The following NEDD4 variants were observed in gnomAD, a reference collection of about 807,000 sequenced individuals.
NEDD4 encodes NEDD4 E3 ubiquitin protein ligase.
Under a neutral mutation model 144.9 loss-of-function variants are expected in NEDD4, and 99 were observed. That is an observed-to-expected ratio of 0.68 (90% confidence interval 0.58 to 0.81). The LOEUF is 0.81. NEDD4 is among the 30% of genes least tolerant of loss of function. The pLI is 0.00. For synonymous variants in NEDD4, 318 were observed against 350.6 expected, an observed-to-expected ratio of 0.91 and a Z score of 1.04; for missense variants, 985 against 1,065.9, an observed-to-expected ratio of 0.92 and a Z score of 1.06.
intron 5 of NEDD4, among the ~76,000 whole-genome samples, chr15:55,876,893 T>G (rs1157972065): frequency 6.6e-6 from 1 of 151,650 alleles, no homozygotes; most frequent in Non-Finnish European, 1.5e-5. Context: ...TTTAAAGAGA[T>G]GGAGTCTTGC....
chr15:55,973,689 TG>T (rs1417060966), intron 1 of NEDD4, among the ~76,000 whole-genome samples: 1 of 151,652 alleles, frequency 6.6e-6, no homozygotes, highest in Non-Finnish European at 1.5e-5. Flanking sequence ...GGCAGATCAA[TG>T]AAAAAACTAA....
At position 55,975,365 on chromosome 15, in the gene NEDD4, A is replaced by T. The variant is rs143601055; in HGVS notation, c.46-8819T>A. On this transcript the variant is annotated intron_variant, in intron 1 of 28. Coordinates refer to ENST00000435532, the MANE Select transcript of NEDD4 (RefSeq NM_006154.4). Reference sequence around the variant, plus strand: ...AAAGACTCCACCCAAAAGCTATTAGAACTGATAAGCACATTCAGTAAAGTT... The same window carrying T: ...AAAGACTCCACCCAAAAGCTATTAGTACTGATAAGCACATTCAGTAAAGTT... 5.6e-3 allele frequency among the ~76,000 whole-genome samples: 858 copies of T among 152,352 alleles called. 5 individuals carry two copies. The highest frequency in any genetic ancestry group is 0.02 in the African/African-American group (816 of 41,582).
At chr15:55,838,212 T>G (rs747356914) in intron 22 of NEDD4, 32 bp from the exon 23 acceptor site, 1 of 1,455,650 alleles carries the variant, frequency 6.9e-7, no homozygotes, top group South Asian at 1.3e-5. Context: ...TGATATGTTA[T>G]TTTAGCGAGA....
At chr15:55,930,493 A>G (rs926377136) in intron 4 of NEDD4, among the ~76,000 whole-genome samples, 1 of 152,234 alleles carries the variant, frequency 6.6e-6, no homozygotes, top group East Asian at 1.9e-4. Context: ...CTTCCATTCA[A>G]CTAGTTGGAA....
At chr15:55,991,287 G>C (rs1377133944) in intron 1 of NEDD4, among the ~76,000 whole-genome samples, 1 of 152,126 alleles carries the variant, frequency 6.6e-6, no homozygotes, top group Non-Finnish European at 1.5e-5. Flanking sequence ...TAACAAAAGG[G>C]GTGTTTGGGG....
intron 1 of NEDD4, among the ~76,000 whole-genome samples, chr15:55,968,366 T>A (rs1194843549): frequency 3.0e-4 from 46 of 152,082 alleles, no homozygotes; most frequent in Non-Finnish European, 4.4e-5. Context: ...ACAATCTTAA[T>A]AGCAAAAATT....
At chr15:55,930,909 A>AT (rs1426725672) in intron 4 of NEDD4, among the ~76,000 whole-genome samples, 4 of 152,154 alleles carry the variant, frequency 2.6e-5, no homozygotes, top group African/African-American at 9.7e-5. Context: ...TTTCCTTTAT[A>AT]AATTATCCAG....
At chr15:55,940,863 T>C (rs1276812563) in intron 4 of NEDD4, among the ~76,000 whole-genome samples, 1 of 152,106 alleles carries the variant, frequency 6.6e-6, no homozygotes, top group Admixed American at 6.6e-5. Flanking sequence ...TCAAAAAGAA[T>C]GGCAATATTT....
rs765813423 is a variant in NEDD4, at chr15:55,848,359, C to T, written c.1542+13G>A. 6.2e-7 allele frequency: 1 copy of T among 1,613,422 alleles called. No individual in the cohort carries two copies. The highest frequency in any genetic ancestry group is 1.3e-5 in the African/African-American group (1 of 75,032). On this transcript the variant is annotated intron_variant, in intron 17 of 28. Coordinates refer to ENST00000435532, the MANE Select transcript of NEDD4 (RefSeq NM_006154.4). ...GGACAGTCCCATCAGAGCACACTGG[C>T]AGAGAGACTTACTGGTCCAGTTATT...
At chr15:55,918,050 CTGTTTGA>C (rs2036495796) in intron 5 of NEDD4, among the ~76,000 whole-genome samples, 1 of 152,116 alleles carries the variant, frequency 6.6e-6, no homozygotes, top group African/African-American at 2.4e-5. Context: ...ATCCATTTAG[CTGTTTGA>C]TATCTATAAA....
intron 14 of NEDD4, among the ~76,000 whole-genome samples, chr15:55,849,413 C>T (rs1453008947): frequency 2.0e-5 from 3 of 152,062 alleles, no homozygotes; most frequent in East Asian, 1.9e-4. Context: ...TTAATAGAGA[C>T]GGGGTTTCTC....
At chr15:55,956,217 G>T (rs2037335876) in intron 2 of NEDD4, among the ~76,000 whole-genome samples, 1 of 152,060 alleles carries the variant, frequency 6.6e-6, no homozygotes, top group Non-Finnish European at 1.5e-5. Context: ...GGACATTTAG[G>T]TTGTTTCCAG....
In NEDD4 at chr15:55,848,461, T is replaced by C. The variant is rs763310737; in HGVS notation, c.1484-31A>G. On this transcript the variant is annotated intron_variant, in intron 16 of 28. Coordinates refer to ENST00000435532, the MANE Select transcript of NEDD4 (RefSeq NM_006154.4). ...GGGAAGAAAAAGAAAAAAGATGTACTTTCTCACACATAAAATTTATTACAA... is the reference window on the plus strand; with the variant it reads ...GGGAAGAAAAAGAAAAAAGATGTACCTTCTCACACATAAAATTTATTACAA... 16 of 1,613,150 alleles carry C rather than the reference T, an allele frequency of 9.9e-6. No individual in the cohort carries two copies. The Admixed American group carries it at 2.5e-4, about 25-fold the overall frequency.
rs1039090450 is a variant in NEDD4, at chr15:55,902,956, G to A, written c.291+21690C>T. Among the ~76,000 whole-genome samples, 19 of 152,180 alleles carry A rather than the reference G, an allele frequency of 1.2e-4. 1 individual carries two copies. In the South Asian group the frequency reaches 1.7e-3, roughly 13 times the overall value. ...GTGGAGGTTGCAGTGAACCGAGATCGTGCTATTGCATTCCAGCCTGGGTGA... is the reference window on the plus strand; with the variant it reads ...GTGGAGGTTGCAGTGAACCGAGATCATGCTATTGCATTCCAGCCTGGGTGA... On this transcript the variant is annotated intron_variant, in intron 5 of 28. Coordinates refer to ENST00000435532, the MANE Select transcript of NEDD4 (RefSeq NM_006154.4).
chr15:55,870,908 T>A (rs2142061705), intron 7 of NEDD4, among the ~76,000 whole-genome samples: 1 of 152,290 alleles, frequency 6.6e-6, no homozygotes, highest in Non-Finnish European at 1.5e-5. Context: ...TTGTCTCAGC[T>A]CTCTATATAG....
intron 5 of NEDD4, chr15:55,915,643 A>G: frequency 6.2e-7 from 1 of 1,613,692 alleles, no homozygotes; most frequent in Non-Finnish European, 8.5e-7. Context: ...TCTGGTTTAC[A>G]ATCACCATTT....
chr15:55,951,308 T>A (rs1357414150), intron 4 of NEDD4, 68 bp downstream of exon 4: 2 of 672,474 alleles, frequency 3.0e-6, no homozygotes, highest in African/African-American at 3.9e-5. Context: ...AAATGAGAAT[T>A]TATCATTCTA....
At chr15:55,975,269 A>G (rs1346438721) in intron 1 of NEDD4, among the ~76,000 whole-genome samples, 2 of 152,150 alleles carry the variant, frequency 1.3e-5, no homozygotes, top group African/African-American at 4.8e-5. Flanking sequence ...AAGAAAGGGA[A>G]GCTAAATTAG....
chr15:55,846,910 C>A, intron 18 of NEDD4, 59 bp downstream of exon 18: 1 of 1,050,344 alleles, frequency 9.5e-7, no homozygotes, highest in African/African-American at 1.6e-5. Flanking sequence ...AAAACATTTC[C>A]CATTACTTTC....
Sources: allele counts gnomAD v4.1 joint callset (sites outside exome capture counted in the v4.1 genomes callset), GRCh38; gene constraint gnomAD v4.1.1; transcripts MANE v1.5; gene names NCBI Gene and HGNC (gene_info 2026-07-23, HGNC 2026-07-21).